Variants in USP30 observed in about 807,000 individuals in gnomAD.
USP30 encodes ubiquitin carboxyl-terminal hydrolase 30.
A neutral mutation model predicts 68.2 loss-of-function variants in USP30; 41 were observed. The observed-to-expected ratio is 0.60, with a 90% confidence interval of 0.47 to 0.78. The LOEUF is 0.78. Ranked by LOEUF, USP30 falls within the 30% of genes least tolerant of loss-of-function variation. The pLI is 0.00. For missense variants in USP30, 522 were observed against 649.4 expected (o/e 0.80, Z 2.13); for synonymous variants, 229 against 253.7 (o/e 0.90, Z 0.93).
chr12:109,030,908 C>T (rs1254844013), intron 3 of USP30, among the ~76,000 whole-genome samples: 1 of 152,140 alleles, frequency 6.6e-6, no homozygotes, highest in East Asian at 1.9e-4. Context: ...GCCACCGTGC[C>T]AGGCCGATTG....
Position 109,071,673 on chromosome 12 carries a change from C to G in USP30, c.542C>G (p.Pro181Arg), listed in dbSNP as rs748225616. 1 of 1,614,204 alleles carries G rather than the reference C, an allele frequency of 6.2e-7. No individual in the cohort carries two copies. The highest frequency in any genetic ancestry group is 2.2e-5 in the East Asian group (1 of 44,884). ...SSLEDERDRQ[P>R]RVTHLFDVHS... ...TTGGAAGATGAGCGAGACCGCCAGC[C>G]TCGGGTCACACATTTGTTTGATGTG... is the stretch of plus-strand genomic sequence containing the variant. Residue 181 changes from proline (P) to arginine (R), a missense_variant, in exon 5 of 13, where the codon CCT (proline) becomes CGT (arginine). Pro to Arg is a moderately radical substitution (Grantham distance 103). Coordinates refer to ENST00000257548, the MANE Select transcript of USP30 (RefSeq NM_032663.5).
intron 3 of USP30, among the ~76,000 whole-genome samples, chr12:109,060,348 T>A (rs1197916658): frequency 6.6e-6 from 1 of 152,240 alleles, no homozygotes; most frequent in Non-Finnish European, 1.5e-5. Context: ...TAAGCATATA[T>A]TGCTCTCACT....
Position 109,070,394 on chromosome 12 carries a change from C to T in USP30, c.481-1218C>T, listed in dbSNP as rs987798611. On this transcript the variant is annotated intron_variant, in intron 4 of 12. Coordinates refer to ENST00000257548, the MANE Select transcript of USP30 (RefSeq NM_032663.5). This position sits in a 1 kb window ranked among gnomAD's most constrained non-coding sequence, Gnocchi z 4.0. ...ATGCCCTGTGGAGGAGCTCTTTTGG[C>T]AGAGACCTGAAGGATAGGAGGTAGC... 1.3e-5 allele frequency among the ~76,000 whole-genome samples: 2 copies of T among 151,974 alleles called. No homozygotes were observed. The highest frequency in any genetic ancestry group is 2.4e-5 in the African/African-American group (1 of 41,354).
intron 5 of USP30, 150 bp downstream of exon 5, chr12:109,071,860 A>G (rs927659024): frequency 4.3e-6 from 3 of 698,280 alleles, no homozygotes; most frequent in Non-Finnish European, 7.1e-6. Flanking sequence ...TCTTAAAACT[A>G]CATGCTTTGC....
chr12:109,026,935 T>C (rs2040449189), intron 2 of USP30, among the ~76,000 whole-genome samples: 1 of 152,218 alleles, frequency 6.6e-6, no homozygotes, highest in Admixed American at 6.5e-5. Flanking sequence ...GCAAGCTCTC[T>C]GGCATATTTT....
chr12:109,041,479 A>C (rs1158056513), intron 3 of USP30, among the ~76,000 whole-genome samples: 1 of 152,020 alleles, frequency 6.6e-6, no homozygotes, highest in Non-Finnish European at 1.5e-5. Flanking sequence ...TACTTAAAAT[A>C]TGAAAATTAG....
At chr12:109,039,405 A>G (rs1489574783) in intron 3 of USP30, among the ~76,000 whole-genome samples, 2 of 152,188 alleles carry the variant, frequency 1.3e-5, no homozygotes, top group African/African-American at 4.8e-5. Flanking sequence ...GACAGGAGAT[A>G]GGGCTTGTGT....
chr12:109,073,098 C>T (rs1417194881), intron 6 of USP30, among the ~76,000 whole-genome samples: 3 of 152,196 alleles, frequency 2.0e-5, no homozygotes, highest in Non-Finnish European at 4.4e-5. Context: ...GATTTTATCT[C>T]GCTTTATGGA....
rs768356251 is a variant in USP30, at chr12:109,052,660, G to T, written c.-19G>T. On this transcript the variant is annotated 5_prime_UTR_variant, in exon 1 of 13. It adds an upstream start codon to the 5' untranslated region. Coordinates refer to ENST00000257548, the MANE Select transcript of USP30 (RefSeq NM_032663.5). ...GGCGGTAGCGGAGGAGACGGTTTCAGGCCTCCGGTGCGGCTGCAATGCTGA... is the reference window on the plus strand; with the variant it reads ...GGCGGTAGCGGAGGAGACGGTTTCATGCCTCCGGTGCGGCTGCAATGCTGA... 6.7e-6 allele frequency: 10 copies of T among 1,495,762 alleles called. No individual in the cohort carries two copies. Among genetic ancestry groups the T allele is most frequent in the Non-Finnish European group, 8.9e-6 (10 of 1,128,192 alleles). The allele number at this position is 1,495,762 out of a possible 1,614,324, so 92.7% of individuals were successfully genotyped here. A position where few individuals can be genotyped will look rare whatever the true frequency, so the allele number is the denominator to read the frequency against.
At chr12:109,036,956 TA>T (rs112899702) in intron 3 of USP30, among the ~76,000 whole-genome samples, 14,806 of 152,196 alleles carry the variant, frequency 0.097, 799 homozygotes, top group African/African-American at 0.14. Context: ...ATGTATAGAT[TA>T]ATGTTTTCCA....
chr12:109,049,172 G>A (rs551140974), upstream of USP30, among the ~76,000 whole-genome samples: 11 of 152,266 alleles, frequency 7.2e-5, no homozygotes, highest in Admixed American at 5.9e-4. Flanking sequence ...TAAATGTTTG[G>A]TGCAAGAAGT....
At position 109,071,542 on chromosome 12, in the gene USP30, C is replaced by T. The variant is rs1307940461; in HGVS notation, c.481-70C>T. The T allele has an allele frequency of 9.1e-6, 12 of 1,313,232 alleles. No individual in the cohort carries two copies. In the East Asian group the frequency reaches 1.6e-4, roughly 18 times the overall value. The allele number at this position is 1,313,232 out of a possible 1,614,324, so 81.3% of individuals were successfully genotyped here. ...CCACATTCACTGTAGGGTGTCTGCC[C>T]GAGGTGGGTAGTTCTGATCTTGCTC... On this transcript the variant is annotated intron_variant, in intron 4 of 12. Coordinates refer to ENST00000257548, the MANE Select transcript of USP30 (RefSeq NM_032663.5).
chr12:109,043,078 A>T (rs1030906055), intron 3 of USP30, among the ~76,000 whole-genome samples: 4 of 152,210 alleles, frequency 2.6e-5, no homozygotes, highest in Non-Finnish European at 5.9e-5. Flanking sequence ...AAATCACAAA[A>T]TATTGCTGAA....
intron 9 of USP30, 132 bp from the exon 10 acceptor site, chr12:109,082,531 G>A: frequency 2.7e-6 from 2 of 749,182 alleles, no homozygotes; most frequent in Non-Finnish European, 4.4e-6. Flanking sequence ...AAATAACTGG[G>A]CAGCTGGGTT....
intron 3 of USP30, among the ~76,000 whole-genome samples, chr12:109,044,416 T>C (rs1403738910): frequency 6.6e-6 from 1 of 152,080 alleles, no homozygotes; most frequent in Non-Finnish European, 1.5e-5. Context: ...GGTGGGAGGA[T>C]TGTGTGAGGC....
chr12:109,071,648 T>C lies in USP30; in HGVS notation c.517T>C (p.Leu173=), dbSNP rs753877805. The change falls in exon 5 of 13, where the codon TTG becomes CTG. Residue 173 remains leucine (L), a synonymous_variant. Coordinates refer to ENST00000257548, the MANE Select transcript of USP30 (RefSeq NM_032663.5). ...ATTATTCCATGTCATTACCTCGTCATTGGAAGATGAGCGAGACCGCCAGCC... is the reference window on the plus strand; with the variant it reads ...ATTATTCCATGTCATTACCTCGTCACTGGAAGATGAGCGAGACCGCCAGCC... The part of the protein sequence containing the change: ...HELFHVITSS[L]EDERDRQPRV... The C allele has an allele frequency of 2.8e-5, 46 of 1,614,108 alleles. 1 individual carries two copies. The Admixed American group carries it at 6.3e-4, about 22-fold the overall frequency.
intron 3 of USP30, among the ~76,000 whole-genome samples, chr12:109,065,236 C>G (rs1030466126): frequency 1.3e-5 from 2 of 152,186 alleles, no homozygotes; most frequent in African/African-American, 4.8e-5. Flanking sequence ...TTTTCTCTCA[C>G]ACTCTAGCAG....
At chr12:109,055,400 A>ATATATT (rs1298811530) in intron 1 of USP30, among the ~76,000 whole-genome samples, 32 of 24,476 alleles carry the variant, frequency 1.3e-3, no homozygotes, top group African/African-American at 3.3e-3. Context: ...ATATATATAT[A>ATATATT]TTTTTTTTTT....
chr12:109,053,214 C>T (rs992123509), intron 1 of USP30, among the ~76,000 whole-genome samples: 1 of 152,128 alleles, frequency 6.6e-6, no homozygotes, highest in Non-Finnish European at 1.5e-5. Flanking sequence ...TATAAGTGCC[C>T]CGGGCCTGCG....
Sources: gnomAD v4.1 joint callset for allele counts (sites outside exome capture counted in the v4.1 genomes callset) on GRCh38, gnomAD v4.1.1 for gene constraint, Gnocchi (gnomAD v3.1) non-coding constraint, MANE v1.5 for transcripts, NCBI Gene and HGNC (gene_info 2026-07-23, HGNC 2026-07-21) for gene names.